The following PPP2R2B variants were observed in gnomAD, a reference collection of about 807,000 sequenced individuals.
The protein encoded by PPP2R2B is serine/threonine-protein phosphatase 2A 55 kDa regulatory subunit B beta isoform.
PPP2R2B carries 5 observed loss-of-function variants against 46.0 expected under a neutral mutation model. The observed-to-expected ratio is 0.11, with a 90% CI of 0.06 to 0.23. The LOEUF is 0.23. PPP2R2B is among the 10% of genes least tolerant of loss of function. PPP2R2B has a pLI of 1.00. For synonymous variants in PPP2R2B, 215 were observed against 206.7 expected (o/e 1.04, Z -0.34); for missense variants, 367 against 575.0 (o/e 0.64, Z 3.70).
intron 2 of PPP2R2B, among the ~76,000 whole-genome samples, chr5:146,772,854 T>C (rs546301946): frequency 3.5e-4 from 53 of 152,152 alleles, no homozygotes; most frequent in Non-Finnish European, 6.0e-4. Flanking sequence ...GGAATATGGA[T>C]AGAAATCTCA....
At chr5:146,878,775 G>A (rs939111761), upstream of PPP2R2B, 14 of 1,128,464 alleles carry the variant, frequency 1.2e-5, no homozygotes, top group African/African-American at 1.8e-4. This position sits in a 1 kb window ranked among gnomAD's most constrained non-coding sequence, Gnocchi z 4.5. Context: ...GCTGGAGGCG[G>A]CTGGTGCATT....
chr5:147,073,298 C>A (rs1404734375), intron 2 of PPP2R2B, among the ~76,000 whole-genome samples: 1 of 152,138 alleles, frequency 6.6e-6, no homozygotes, highest in Non-Finnish European at 1.5e-5. Context: ...ATGCAAAGAA[C>A]CCGCTTCCCT....
At chr5:146,826,825 G>A (rs999598975) in intron 2 of PPP2R2B, among the ~76,000 whole-genome samples, 4 of 151,722 alleles carry the variant, frequency 2.6e-5, no homozygotes, top group Non-Finnish European at 5.9e-5. Flanking sequence ...ATCTTTCTCT[G>A]CATACATATC....
chr5:146,888,731 A>C (rs1762403920), intron 1 of PPP2R2B, among the ~76,000 whole-genome samples: 1 of 151,578 alleles, frequency 6.6e-6, no homozygotes. Context: ...CACCACCACC[A>C]CTCCCTATAG....
intron 5 of PPP2R2B, among the ~76,000 whole-genome samples, chr5:146,683,116 T>G (rs1053716033): frequency 2.6e-5 from 4 of 151,614 alleles, no homozygotes; most frequent in Admixed American, 6.6e-5. Flanking sequence ...ATGACTTAGA[T>G]GTTCCCAGAG....
At chr5:146,838,643 C>A (rs1759442833) in intron 2 of PPP2R2B, among the ~76,000 whole-genome samples, 2 of 150,770 alleles carry the variant, frequency 1.3e-5, no homozygotes, top group Admixed American at 1.3e-4. Flanking sequence ...GGAAGGAAAG[C>A]ATACAAAAAG....
At chr5:146,651,055 A>T (rs1775922530) in intron 5 of PPP2R2B, among the ~76,000 whole-genome samples, 1 of 149,912 alleles carries the variant, frequency 6.7e-6, no homozygotes, top group Admixed American at 6.7e-5. Context: ...ACATTGTTCT[A>T]TTTTTTTTTT....
intron 7 of PPP2R2B, among the ~76,000 whole-genome samples, chr5:146,604,348 T>G (rs2151023930): frequency 6.6e-6 from 1 of 152,252 alleles, no homozygotes; most frequent in Middle Eastern, 3.4e-3. Flanking sequence ...GTGATAGAAC[T>G]TAGGACAAAT....
chr5:146,582,763 C>G lies in PPP2R2B; in HGVS notation c.*7184G>C, dbSNP rs1769962497. 6.6e-6 allele frequency: 1 copy of G among 152,196 alleles called. No homozygotes were observed. The highest frequency in any genetic ancestry group is 1.5e-5 in the Non-Finnish European group (1 of 68,046). 9.4% of individuals were successfully genotyped at this position (152,196 alleles called of 1,614,324 possible). ...TACAGGAGTGGCCTAAACAATGATG[C>G]AGTCCTCATGGAACTAAGGGTGGTT... On this transcript the variant is annotated 3_prime_UTR_variant, in exon 10 of 10. Transcript: ENST00000394411.
intron 2 of PPP2R2B, among the ~76,000 whole-genome samples, chr5:146,796,018 A>G (rs890159675): frequency 6.6e-6 from 1 of 152,172 alleles, no homozygotes; most frequent in African/African-American, 2.4e-5. Context: ...TATTGAACTC[A>G]GCTGCCTAGT....
Position 146,581,166 on chromosome 5 carries a change from T to C in PPP2R2B, c.*8781A>G, listed in dbSNP as rs1769878017. The C allele has an allele frequency of 6.6e-6, 1 of 152,184 alleles. No homozygotes were observed. Among genetic ancestry groups the C allele is most frequent in the Non-Finnish European group, 1.5e-5 (1 of 68,044 alleles). The allele number at this position is 152,184 out of a possible 1,614,324, so 9.4% of individuals were successfully genotyped here. On this transcript the variant is annotated 3_prime_UTR_variant, in exon 10 of 10. Transcript: ENST00000394411. ...AATTTGTAAAGGAATGAGGTTTAAT[T>C]GGCTCATGGTTCCACAGGCTGTACA... is the stretch of plus-strand genomic sequence containing the variant.
chr5:146,798,596 T>G (rs943495435), intron 2 of PPP2R2B, among the ~76,000 whole-genome samples: 1 of 152,182 alleles, frequency 6.6e-6, no homozygotes, highest in African/African-American at 2.4e-5. Flanking sequence ...TTACCAATGA[T>G]AAAATCAACA....
intron 1 of PPP2R2B, among the ~76,000 whole-genome samples, chr5:146,956,629 C>T (rs910880938): frequency 8.5e-5 from 13 of 152,182 alleles, no homozygotes; most frequent in African/African-American, 2.9e-4. Flanking sequence ...GATTATAGCT[C>T]TTTCCAGAAG....
At chr5:146,592,274 A>G (rs1770737034) in intron 9 of PPP2R2B, 1 of 272,052 alleles carries the variant, frequency 3.7e-6, no homozygotes, top group Non-Finnish European at 7.3e-6. Context: ...GACAGTTCAT[A>G]TTCACTGAAA....
At chr5:146,651,525 TG>T (rs1314053555) in intron 5 of PPP2R2B, among the ~76,000 whole-genome samples, 1 of 152,178 alleles carries the variant, frequency 6.6e-6, no homozygotes, top group African/African-American at 2.4e-5. Context: ...ACCGTCTTTC[TG>T]GCAAATGTGA....
At chr5:147,039,712 C>A (rs1451228440) in intron 1 of PPP2R2B, among the ~76,000 whole-genome samples, 2 of 152,120 alleles carry the variant, frequency 1.3e-5, no homozygotes, top group African/African-American at 2.4e-5. Context: ...TCTGCTTGTT[C>A]ATGTCTTATT....
chr5:146,796,260 C>T (rs74993429), intron 2 of PPP2R2B, among the ~76,000 whole-genome samples: 367 of 152,284 alleles, frequency 2.4e-3, no homozygotes, highest in African/African-American at 8.3e-3. Flanking sequence ...TGCTCCCATA[C>T]GTCCAAGTGT....
intron 2 of PPP2R2B, among the ~76,000 whole-genome samples, chr5:146,711,640 C>G (rs548299683): frequency 1.1e-4 from 17 of 152,152 alleles, no homozygotes; most frequent in African/African-American, 4.1e-4. Flanking sequence ...AATAAGAAAG[C>G]CAAAGTGGAT....
intron 2 of PPP2R2B, among the ~76,000 whole-genome samples, chr5:146,841,222 G>A (rs961335121): frequency 6.6e-6 from 1 of 152,150 alleles, no homozygotes. Context: ...AATGCATGTA[G>A]TTCTGCATGA....
Sources: gnomAD v4.1 joint callset for allele counts (sites outside exome capture counted in the v4.1 genomes callset) on GRCh38, gnomAD v4.1.1 for gene constraint, Gnocchi (gnomAD v3.1) non-coding constraint, MANE v1.5 for transcripts, NCBI Gene and HGNC (gene_info 2026-07-23, HGNC 2026-07-21) for gene names.